The following TMEM38B variants were observed in gnomAD, a reference collection of about 807,000 sequenced individuals.
The protein encoded by TMEM38B is trimeric intracellular cation channel type B.
A neutral mutation model predicts 28.7 loss-of-function variants in TMEM38B; 24 were observed. The ratio of observed to expected loss-of-function variants is 0.84; its 90% confidence interval spans 0.61 to 1.18. The LOEUF is 1.18. Ranked by LOEUF, TMEM38B falls within the 50% of genes most tolerant of loss-of-function variation. The pLI, the probability that TMEM38B is intolerant of heterozygous loss-of-function variation, is 0.00. For synonymous variants in TMEM38B, 131 were observed against 127.7 expected (o/e 1.03, Z -0.17); for missense variants, 380 against 350.9 (o/e 1.08, Z -0.66).
chr9:105,734,666 C>CT (rs1038003539), intron 4 of TMEM38B, among the ~76,000 whole-genome samples: 11 of 151,992 alleles, frequency 7.2e-5, no homozygotes, highest in Non-Finnish European at 1.0e-4. Flanking sequence ...GATGAATTGA[C>CT]TTTTTTATCA....
intron 2 of TMEM38B, among the ~76,000 whole-genome samples, chr9:105,717,739 T>C (rs1049014212): frequency 1.8e-4 from 28 of 152,200 alleles, no homozygotes; most frequent in African/African-American, 6.8e-4. Context: ...AGAACATAAC[T>C]TCCCCCTGCT....
chr9:105,762,484 A>G lies in TMEM38B; in HGVS notation c.661-11381A>G, dbSNP rs1215732725. On this transcript the variant is annotated intron_variant, in intron 5 of 5. Coordinates refer to ENST00000374692, the MANE Select transcript of TMEM38B (RefSeq NM_018112.3). Reference sequence around the variant, plus strand: ...CATGTGTTCTCATTGTTCAGTTCCCACCTATGAGTGAGAATATGCGGTGTT... The same window carrying G: ...CATGTGTTCTCATTGTTCAGTTCCCGCCTATGAGTGAGAATATGCGGTGTT... 1.8e-4 allele frequency among the ~76,000 whole-genome samples: 26 copies of G among 143,362 alleles called. No individual in the cohort carries two copies. In the East Asian group the frequency reaches 5.6e-3, roughly 31 times the overall value. 94.1% of individuals were successfully genotyped at this position (143,362 alleles called of 152,430 possible). A position where few individuals can be genotyped will look rare whatever the true frequency, so the allele number is the denominator to read the frequency against.
At chr9:105,717,408 G>T (rs191655727) in intron 2 of TMEM38B, among the ~76,000 whole-genome samples, 1 of 128,226 alleles carries the variant, frequency 7.8e-6, no homozygotes, top group African/African-American at 3.5e-5. Flanking sequence ...ACAGATATGT[G>T]CAAGAATGTT....
At chr9:105,728,859 T>C (rs1588425072) in intron 4 of TMEM38B, among the ~76,000 whole-genome samples, 1 of 152,344 alleles carries the variant, frequency 6.6e-6, no homozygotes, top group African/African-American at 2.4e-5. Context: ...ATATGTCTGT[T>C]GGCTGCATTA....
chr9:105,732,361 T>C (rs1449206227), intron 4 of TMEM38B, among the ~76,000 whole-genome samples: 2 of 152,226 alleles, frequency 1.3e-5, no homozygotes, highest in Admixed American at 6.5e-5. Context: ...GCTTTTGGTG[T>C]TTTAGTCATG....
intron 4 of TMEM38B, among the ~76,000 whole-genome samples, chr9:105,745,615 A>T (rs368000785): frequency 0.019 from 2,812 of 151,696 alleles, 39 homozygotes; most frequent in Admixed American, 0.035. Flanking sequence ...GTCAATTTTG[A>T]CTTTTGTTGC....
chr9:105,758,110 T>A, intron 5 of TMEM38B: 1 of 459,382 alleles, frequency 2.2e-6, no homozygotes. Context: ...CCCAGGCCGC[T>A]GGGCCTGAGT....
In TMEM38B at chr9:105,721,648, A is replaced by G. The variant is rs753795817; in HGVS notation, c.381A>G (p.Val127=). The G allele has an allele frequency of 1.9e-6, 3 of 1,613,616 alleles. No homozygotes were observed. The highest frequency in any genetic ancestry group is 2.5e-6 in the Non-Finnish European group (3 of 1,179,722). The change falls in exon 3 of 6, where the codon GTA becomes GTG. Residue 127 remains valine (V), a synonymous_variant. Transcript: ENST00000374692. The part of the protein sequence containing the change: ...MKEVTRTWKI[V]GGVTHANSYY... ...AAGTGACCAGAACTTGGAAAATAGTAGGTGGAGTCACACATGCTAATAGCT... is the reference window on the plus strand; with the variant it reads ...AAGTGACCAGAACTTGGAAAATAGTGGGTGGAGTCACACATGCTAATAGCT...
At chr9:105,708,175 A>G (rs1175890834) in intron 2 of TMEM38B, among the ~76,000 whole-genome samples, 4 of 152,280 alleles carry the variant, frequency 2.6e-5, no homozygotes, top group Non-Finnish European at 5.9e-5. Context: ...TGGGTTTTGC[A>G]TGCTTGAATT....
In TMEM38B at chr9:105,739,888, T is replaced by A. The variant is rs191933039; in HGVS notation, c.543-8185T>A. On this transcript the variant is annotated intron_variant, in intron 4 of 5. Transcript: ENST00000374692. The stretch of plus-strand genomic sequence containing the variant: ...TCTATTTAATTACGTCTTTTTAAAC[T>A]TTTTTTTTGTTTGAGACAGAGTCTT... Among the ~76,000 whole-genome samples, 1,196 of 142,528 alleles carry A rather than the reference T, an allele frequency of 8.4e-3. 39 individuals are homozygous for A. The East Asian group carries it at 0.087, about 10-fold the overall frequency. The allele number at this position is 142,528 out of a possible 152,430, so 93.5% of individuals were successfully genotyped here.
chr9:105,733,494 G>A (rs1434579549), intron 4 of TMEM38B, among the ~76,000 whole-genome samples: 1 of 148,370 alleles, frequency 6.7e-6, no homozygotes, highest in Admixed American at 6.8e-5. Flanking sequence ...AGTGTGTTAG[G>A]CATATTCCCT....
At chr9:105,743,664 C>T (rs989748237) in intron 4 of TMEM38B, among the ~76,000 whole-genome samples, 2 of 152,104 alleles carry the variant, frequency 1.3e-5, no homozygotes, top group Non-Finnish European at 2.9e-5. Flanking sequence ...CTGCAGATGG[C>T]TTTTATTGTT....
intron 5 of TMEM38B, among the ~76,000 whole-genome samples, chr9:105,765,326 T>C (rs1826334115): frequency 6.6e-6 from 1 of 152,244 alleles, no homozygotes; most frequent in Admixed American, 6.5e-5. Flanking sequence ...AGTCAACTTT[T>C]TAGAAGTATA....
Position 105,764,980 on chromosome 9 carries a change from G to C in TMEM38B, c.661-8885G>C, listed in dbSNP as rs534118886. Among the ~76,000 whole-genome samples, 12 of 152,300 alleles carry C rather than the reference G, an allele frequency of 7.9e-5. No homozygotes were observed. The South Asian group carries it at 2.5e-3, about 32-fold the overall frequency. ...AAACCTGAGAAAAACAAGCAATGGG[G>C]GAAGGATTCCCTATTTAATAAATGG... On this transcript the variant is annotated intron_variant, in intron 5 of 5. Transcript: ENST00000374692.
At chr9:105,715,366 C>G (rs1292268988) in intron 2 of TMEM38B, among the ~76,000 whole-genome samples, 1 of 151,658 alleles carries the variant, frequency 6.6e-6, no homozygotes, top group Non-Finnish European at 1.5e-5. Context: ...TCATTAAGGT[C>G]CAGTCATTTA....
At chr9:105,757,839 A>G (rs532496812) in intron 5 of TMEM38B, among the ~76,000 whole-genome samples, 1 of 152,232 alleles carries the variant, frequency 6.6e-6, no homozygotes, top group Non-Finnish European at 1.5e-5. Flanking sequence ...GTGAAGATGA[A>G]GAGTATAAAC....
chr9:105,709,040 C>A (rs1232754441), intron 2 of TMEM38B, among the ~76,000 whole-genome samples: 1 of 150,944 alleles, frequency 6.6e-6, no homozygotes, highest in Non-Finnish European at 1.5e-5. Context: ...ATACATAGAA[C>A]ATGTCCCCTA....
At position 105,700,358 on chromosome 9, in the gene TMEM38B, T is replaced by A. The variant is rs942744801; in HGVS notation, c.113-5239T>A. Among the ~76,000 whole-genome samples the A allele has an allele frequency of 2.6e-5, 4 of 152,180 alleles. No individual in the cohort carries two copies. The East Asian group carries it at 7.7e-4, about 29-fold the overall frequency. ...ATTGATTTTAGATACTGGGAGAACA[T>A]TTCAGTATGTTAATTCTATTCCTCA... On this transcript the variant is annotated intron_variant, in intron 1 of 5. Transcript: ENST00000374692.
At chr9:105,708,679 T>C (rs1403126494) in intron 2 of TMEM38B, among the ~76,000 whole-genome samples, 4 of 152,182 alleles carry the variant, frequency 2.6e-5, no homozygotes, top group African/African-American at 9.6e-5. Context: ...TCTACCTCAA[T>C]GCCTTTGTAC....
Sources: gnomAD v4.1 joint callset for allele counts (sites outside exome capture counted in the v4.1 genomes callset) on GRCh38, gnomAD v4.1.1 for gene constraint, MANE v1.5 for transcripts, NCBI Gene and HGNC (gene_info 2026-07-23, HGNC 2026-07-21) for gene names.